Variants in PTPRM observed in about 807,000 individuals in gnomAD.
PTPRM encodes the protein receptor-type tyrosine-protein phosphatase mu.
A neutral mutation model predicts 186.7 loss-of-function variants in PTPRM; 47 were observed. The observed-to-expected ratio is 0.25, with a 90% CI of 0.20 to 0.32. PTPRM has a LOEUF of 0.32. Among genes scored for constraint, PTPRM ranks in the 10% least tolerant of loss-of-function variants. The pLI, the probability that PTPRM is intolerant of heterozygous loss-of-function variation, is 1.00. For missense variants in PTPRM, 1,494 were observed against 1,865.0 expected (o/e 0.80, Z 3.66); for synonymous variants, 668 against 674.9 (o/e 0.99, Z 0.16).
intron 7 of PTPRM, among the ~76,000 whole-genome samples, chr18:7,994,745 T>C (rs1313232987): frequency 6.6e-6 from 1 of 151,682 alleles, no homozygotes; most frequent in Non-Finnish European, 1.5e-5. Flanking sequence ...AATGAAGAAG[T>C]GAAGAAGGAA....
intron 7 of PTPRM, among the ~76,000 whole-genome samples, chr18:8,067,249 T>C (rs1176918874): frequency 2.6e-5 from 4 of 152,192 alleles, no homozygotes; most frequent in Admixed American, 2.6e-4. Flanking sequence ...TCTGTGTATG[T>C]ATAGAGATCT....
chr18:7,998,700 G>T (rs559206948), intron 7 of PTPRM, among the ~76,000 whole-genome samples: 18 of 151,964 alleles, frequency 1.2e-4, no homozygotes, highest in Non-Finnish European at 7.4e-5. Context: ...TGTTGCCCAG[G>T]CTGGAGTGCA....
rs2094492634 is a variant in PTPRM at position 8,247,896 on chromosome 18, C to G, written c.2504C>G (p.Ser835Trp). The G allele has an allele frequency of 6.2e-7, 1 of 1,602,094 alleles. No homozygotes were observed. The highest frequency in any genetic ancestry group is 2.2e-5 in the East Asian group (1 of 44,820). ...ATGAAAACAAATACACTGAGCACAT[C>G]GGTGCCTAATTCCTATTACCCAGGT... The part of the protein sequence containing the change: ...FTMKTNTLST[S>W]VPNSYYPDPF... Residue 835 changes from serine (S) to tryptophan (W), a missense_variant, in exon 16 of 33, where the codon TCG becomes TGG. Transcript: ENST00000580170.
At chr18:7,876,621 A>G (rs1394174537) in intron 2 of PTPRM, among the ~76,000 whole-genome samples, 3 of 152,036 alleles carry the variant, frequency 2.0e-5, no homozygotes, top group Admixed American at 1.3e-4. Flanking sequence ...CCTGCTCCAC[A>G]TTGTCTCCTG....
At chr18:8,083,281 T>C (rs566437549) in intron 9 of PTPRM, among the ~76,000 whole-genome samples, 1 of 152,310 alleles carries the variant, frequency 6.6e-6, no homozygotes, top group East Asian at 1.9e-4. Context: ...ACTTTTTATC[T>C]TGGGGTGCAA....
At chr18:8,273,798 AAGG>A (rs1213688772) in intron 19 of PTPRM, among the ~76,000 whole-genome samples, 1 of 152,238 alleles carries the variant, frequency 6.6e-6, no homozygotes, top group Non-Finnish European at 1.5e-5. Flanking sequence ...GATGAGCAGA[AAGG>A]AGGAGAAAAT....
In PTPRM at chr18:8,379,168, C is replaced by T. The variant is rs2095715536; in HGVS notation, c.3614C>T (p.Thr1205Met). The T allele has an allele frequency of 5.6e-6, 9 of 1,595,696 alleles. No homozygotes were observed. The highest frequency in any genetic ancestry group is 1.3e-5 in the African/African-American group (1 of 74,252). The change falls in exon 28 of 33, where the codon ACG becomes ATG. Residue 1205 changes from threonine (T) to methionine (M), a missense_variant and splice_region_variant. Physicochemically the swap from Thr to Met is moderately conservative, Grantham distance 81 (BLOSUM62 -1). Transcript: ENST00000580170. ...ATGTTCCTTTCTTTTCTCACGCAGA[C>T]GCTAAACATGGTGACACCAACGCTG... The part of the protein sequence containing the change: ...NSSQIKEEFR[T>M]LNMVTPTLRV...
At chr18:8,286,368 A>C (rs144260021) in intron 19 of PTPRM, among the ~76,000 whole-genome samples, 2,031 of 152,328 alleles carry the variant, frequency 0.013, 25 homozygotes, top group Middle Eastern at 0.024. Context: ...CAGGATTCCC[A>C]AGGGTGGCTG....
chr18:8,050,293 G>A lies in PTPRM; in HGVS notation c.1133-19393G>A, dbSNP rs150429436. On this transcript the variant is annotated intron_variant, in intron 7 of 32. Transcript: ENST00000580170. ...TGGAAAGGCTTTATTTCGGTCAGAC[G>A]ATAAGAGCATGAATTAGAAGTCCTT... Among the ~76,000 whole-genome samples the A allele has an allele frequency of 6.6e-5, 10 of 152,274 alleles. No individual in the cohort carries two copies. The East Asian group carries it at 1.5e-3, about 24-fold the overall frequency.
chr18:8,126,027 A>ATATATATTTTTT (rs57751538), intron 13 of PTPRM, among the ~76,000 whole-genome samples: 24 of 69,504 alleles, frequency 3.5e-4, no homozygotes, highest in South Asian at 1.1e-3. Context: ...ATATATATAT[A>ATATATATTTTTT]TTTTAAATCA....
intron 14 of PTPRM, among the ~76,000 whole-genome samples, chr18:8,210,850 G>C (rs12457610): frequency 0.5 from 76,240 of 152,038 alleles, 19,699 homozygotes; most frequent in Middle Eastern, 0.67. Flanking sequence ...ATTGCCAGTG[G>C]TGTAGAGGCA....
intron 11 of PTPRM, among the ~76,000 whole-genome samples, chr18:8,109,423 A>G (rs2091663533): frequency 1.3e-5 from 2 of 152,180 alleles, no homozygotes; most frequent in Non-Finnish European, 2.9e-5. Context: ...TGGGTTTGAA[A>G]TTGCTCCAGT....
intron 2 of PTPRM, among the ~76,000 whole-genome samples, chr18:7,839,789 T>G (rs2046232556): frequency 6.6e-6 from 1 of 152,136 alleles, no homozygotes; most frequent in South Asian, 2.1e-4. Flanking sequence ...CCTTGTGGCC[T>G]AGACTGCCTT....
chr18:7,776,239 C>T (rs554818169), intron 2 of PTPRM, among the ~76,000 whole-genome samples: 2 of 152,078 alleles, frequency 1.3e-5, no homozygotes, highest in South Asian at 2.1e-4. Context: ...CATCTTGTAA[C>T]GCTTTTGTCA....
chr18:7,738,459 G>A (rs1194240366), intron 1 of PTPRM, among the ~76,000 whole-genome samples: 3 of 151,138 alleles, frequency 2.0e-5, no homozygotes, highest in African/African-American at 4.9e-5. Flanking sequence ...TTTTTGAGAC[G>A]GAGTCTCGCT....
chr18:7,924,649 A>G (rs1015591892), intron 4 of PTPRM, among the ~76,000 whole-genome samples: 1 of 152,198 alleles, frequency 6.6e-6, no homozygotes, highest in Non-Finnish European at 1.5e-5. Context: ...TATGAATTTA[A>G]TGATGATAAT....
Position 8,121,224 on chromosome 18 carries a change from G to A in PTPRM, c.2167+6397G>A, listed in dbSNP as rs376627900. 3.9e-5 allele frequency among the ~76,000 whole-genome samples: 6 copies of A among 152,322 alleles called. No individual in the cohort carries two copies. In the East Asian group the frequency reaches 5.8e-4, roughly 15 times the overall value. On this transcript the variant is annotated intron_variant, in intron 13 of 32. Transcript: ENST00000580170. Reference sequence around the variant, plus strand: ...TAAGCAGCACTGCTTGCATGGTGCAGAGGGATATTTCAAAATATTATGCAG... The same window carrying A: ...TAAGCAGCACTGCTTGCATGGTGCAAAGGGATATTTCAAAATATTATGCAG...
chr18:7,981,085 C>T (rs1159953819), intron 7 of PTPRM, among the ~76,000 whole-genome samples: 1 of 152,138 alleles, frequency 6.6e-6, no homozygotes, highest in East Asian at 1.9e-4. Flanking sequence ...TCAAGGTGCT[C>T]TTCCTGCTTA....
chr18:8,202,106 T>C (rs2093866275), intron 14 of PTPRM, among the ~76,000 whole-genome samples: 1 of 152,232 alleles, frequency 6.6e-6, no homozygotes, highest in Non-Finnish European at 1.5e-5. Flanking sequence ...ATGCTGATGC[T>C]TGAATTTCAA....
Sources: gnomAD v4.1 joint callset for allele counts (sites outside exome capture counted in the v4.1 genomes callset) on GRCh38, gnomAD v4.1.1 for gene constraint, MANE v1.5 for transcripts, NCBI Gene and HGNC (gene_info 2026-07-23, HGNC 2026-07-21) for gene names.